The following SCFD2 variants were observed in gnomAD, a reference collection of about 807,000 sequenced individuals.
SCFD2 encodes the protein sec1 family domain containing 2, also known as sec1 family domain-containing protein 2.
SCFD2 carries 54 observed loss-of-function variants against 58.9 expected under a neutral mutation model. The ratio of observed to expected loss-of-function variants is 0.92; its 90% confidence interval spans 0.74 to 1.15. The LOEUF is 1.15. SCFD2 is among the 50% of genes most tolerant of loss of function. The pLI is 0.00. For missense variants in SCFD2, 805 were observed against 836.6 expected, an observed-to-expected ratio of 0.96 and a Z score of 0.47; for synonymous variants, 321 against 335.9, an observed-to-expected ratio of 0.96 and a Z score of 0.49.
At chr4:53,330,940 G>A (rs1012489320) in intron 2 of SCFD2, among the ~76,000 whole-genome samples, 2 of 151,630 alleles carry the variant, frequency 1.3e-5, no homozygotes, top group African/African-American at 2.4e-5. Flanking sequence ...GGCAGGGGTT[G>A]CAATCTTAGT....
At chr4:52,877,304 C>T (rs36110803) in intron 8 of SCFD2, among the ~76,000 whole-genome samples, 4 of 152,100 alleles carry the variant, frequency 2.6e-5, no homozygotes, top group Non-Finnish European at 4.4e-5. Context: ...GGGGCCTGCT[C>T]TGTGGAGGGG....
intron 5 of SCFD2, among the ~76,000 whole-genome samples, chr4:53,013,479 G>C (rs1422571089): frequency 6.6e-6 from 1 of 151,978 alleles, no homozygotes; most frequent in Non-Finnish European, 1.5e-5. Flanking sequence ...TTATTACTTG[G>C]GATTTTGCCA....
In SCFD2 at chr4:53,293,481, T is replaced by C. The variant is rs139937178; in HGVS notation, c.1136-19480A>G. On this transcript the variant is annotated intron_variant, in intron 3 of 8. Coordinates refer to ENST00000401642, the MANE Select transcript of SCFD2 (RefSeq NM_152540.4). ...TGTTAAAATAAAATAAAATGACATA[T>C]GCAAATCATATACTATAATATATCA... 3.1e-4 allele frequency among the ~76,000 whole-genome samples: 47 copies of C among 152,220 alleles called. No individual in the cohort carries two copies. In the East Asian group the frequency reaches 7.9e-3, roughly 26 times the overall value.
chr4:52,944,979 C>T (rs1043646834), intron 5 of SCFD2, among the ~76,000 whole-genome samples: 4 of 152,120 alleles, frequency 2.6e-5, no homozygotes, highest in African/African-American at 9.7e-5. Flanking sequence ...GAGTAATATG[C>T]AGTCACTAAA....
intron 4 of SCFD2, among the ~76,000 whole-genome samples, chr4:53,259,417 A>G (rs550969357): frequency 1.3e-5 from 2 of 152,340 alleles, no homozygotes; most frequent in South Asian, 2.1e-4. Context: ...ATGAGGATCC[A>G]GTTTCATTCT....
chr4:53,006,028 G>A (rs575570490), intron 5 of SCFD2, among the ~76,000 whole-genome samples: 5 of 152,234 alleles, frequency 3.3e-5, no homozygotes, highest in African/African-American at 7.2e-5. Context: ...GACTCCTGAC[G>A]CTCCTTCAAC....
chr4:53,051,906 A>G (rs1333552348), intron 5 of SCFD2, among the ~76,000 whole-genome samples: 1 of 152,204 alleles, frequency 6.6e-6, no homozygotes, highest in East Asian at 1.9e-4. Flanking sequence ...GAACATATTA[A>G]AAAATGAGAT....
At chr4:52,949,337 A>G (rs1031275758) in intron 5 of SCFD2, 2 of 152,208 alleles carry the variant, frequency 1.3e-5, no homozygotes, top group African/African-American at 2.4e-5. Flanking sequence ...TCCAATGTGT[A>G]CATTATGGAA....
At chr4:52,954,915 C>T (rs11726290) in intron 5 of SCFD2, among the ~76,000 whole-genome samples, 39,735 of 152,054 alleles carry the variant, frequency 0.26, 5,467 homozygotes, top group South Asian at 0.45. Flanking sequence ...ACACACTCCT[C>T]TTTCATCTGT....
At chr4:53,330,399 A>T (rs1013440085) in intron 2 of SCFD2, among the ~76,000 whole-genome samples, 1 of 152,320 alleles carries the variant, frequency 6.6e-6, no homozygotes, top group East Asian at 1.9e-4. Flanking sequence ...CGTATCTCTC[A>T]GCAGAAACCC....
chr4:52,882,395 C>G lies in SCFD2; in HGVS notation c.1962+3352G>C, dbSNP rs574787600. Among the ~76,000 whole-genome samples the G allele has an allele frequency of 6.6e-5, 10 of 152,220 alleles. No homozygotes were observed. The East Asian group carries it at 1.7e-3, about 26-fold the overall frequency. On this transcript the variant is annotated intron_variant, in intron 8 of 8. Coordinates refer to ENST00000401642, the MANE Select transcript of SCFD2 (RefSeq NM_152540.4). ...CTTCATCTAGAGGAGATATTAGAACCAAGAATGAAGCCCTCCATGACGGTT... is the reference window on the plus strand; with the variant it reads ...CTTCATCTAGAGGAGATATTAGAACGAAGAATGAAGCCCTCCATGACGGTT...
chr4:52,970,771 AG>A (rs1308090192), intron 5 of SCFD2, among the ~76,000 whole-genome samples: 1 of 152,218 alleles, frequency 6.6e-6, no homozygotes, highest in Non-Finnish European at 1.5e-5. Flanking sequence ...ATCCCCCAGT[AG>A]GGGCAGACTG....
chr4:52,916,008 C>A (rs1055927691), intron 6 of SCFD2, among the ~76,000 whole-genome samples: 1 of 152,196 alleles, frequency 6.6e-6, no homozygotes, highest in African/African-American at 2.4e-5. Context: ...GTTCAACATG[C>A]CAGAGGCACA....
intron 5 of SCFD2, among the ~76,000 whole-genome samples, chr4:52,975,611 G>A (rs1192081543): frequency 6.6e-6 from 1 of 152,188 alleles, no homozygotes; most frequent in Non-Finnish European, 1.5e-5. Context: ...GGAAGTCAGT[G>A]TGGCAATTCC....
chr4:53,115,836 TG>T (rs1353997080), intron 5 of SCFD2, among the ~76,000 whole-genome samples: 1 of 152,196 alleles, frequency 6.6e-6, no homozygotes, highest in Non-Finnish European at 1.5e-5. Flanking sequence ...ATGCGATGCC[TG>T]CTCCAGAATA....
intron 5 of SCFD2, among the ~76,000 whole-genome samples, chr4:53,019,896 T>C (rs764628101): frequency 3.3e-5 from 5 of 152,190 alleles, no homozygotes; most frequent in Non-Finnish European, 5.9e-5. Context: ...AGGTTTAAAG[T>C]TCAGGCACAG....
intron 1 of SCFD2, among the ~76,000 whole-genome samples, chr4:53,362,870 G>A (rs890141796): frequency 1.3e-5 from 2 of 152,192 alleles, no homozygotes; most frequent in African/African-American, 4.8e-5. Flanking sequence ...AAAAGTTGGC[G>A]TTAGTGGCAG....
At chr4:53,089,817 G>C (rs1724419710) in intron 5 of SCFD2, among the ~76,000 whole-genome samples, 1 of 152,052 alleles carries the variant, frequency 6.6e-6, no homozygotes, top group Non-Finnish European at 1.5e-5. Context: ...TCTACATCTG[G>C]ACTAAATGCT....
chr4:53,127,943 G>GTT (rs111600729), intron 5 of SCFD2, among the ~76,000 whole-genome samples: 26 of 87,420 alleles, frequency 3.0e-4, no homozygotes, highest in African/African-American at 9.3e-4. Context: ...CCAGTTTTTT[G>GTT]TTTTTTTTTT....
Sources: gnomAD v4.1 joint callset for allele counts (sites outside exome capture counted in the v4.1 genomes callset) on GRCh38, gnomAD v4.1.1 for gene constraint, MANE v1.5 for transcripts, NCBI Gene and HGNC (gene_info 2026-07-23, HGNC 2026-07-21) for gene names.